The following MPDZ variants were observed in gnomAD, a reference collection of about 807,000 sequenced individuals.
The protein encoded by MPDZ is multiple PDZ domain protein.
Under a neutral mutation model 239.1 loss-of-function variants are expected in MPDZ, and 234 were observed. That is an observed-to-expected ratio of 0.98 (90% CI 0.88 to 1.09). The LOEUF (loss-of-function observed/expected upper bound fraction) is 1.09. Among genes scored for constraint, MPDZ ranks in the 50% least tolerant of loss-of-function variants. The probability of loss-of-function intolerance (pLI) is 0.00; values close to 1 mark genes in which losing one functional copy is unlikely to be tolerated. For synonymous variants in MPDZ, 1,048 were observed against 881.3 expected (o/e 1.19, Z -3.35); for missense variants, 3,175 against 2,510.0 (o/e 1.26, Z -5.66).
In MPDZ at chr9:13,216,879, T is replaced by C; in HGVS notation, c.1202-17A>G. 1 of 1,583,770 alleles carries C rather than the reference T, an allele frequency of 6.3e-7. No homozygotes were observed. Among genetic ancestry groups the C allele is most frequent in the Non-Finnish European group, 8.6e-7 (1 of 1,158,006 alleles). On this transcript the variant is annotated splice_polypyrimidine_tract_variant and intron_variant, in intron 9 of 46. Transcript: ENST00000319217. ...CTGAAGGTTCTAAGATTAGAAATAG[T>C]TTATTTTTCACAATTTTCAAAGCAC... is the stretch of plus-strand genomic sequence containing the variant.
intron 12 of MPDZ, among the ~76,000 whole-genome samples, chr9:13,199,663 G>A (rs1179916757): frequency 6.6e-6 from 1 of 152,080 alleles, no homozygotes; most frequent in African/African-American, 2.4e-5. Flanking sequence ...ATTATTCTGA[G>A]GCATGTTCTT....
intron 1 of MPDZ, among the ~76,000 whole-genome samples, chr9:13,253,625 CA>C (rs1968675836): frequency 6.6e-6 from 1 of 152,122 alleles, no homozygotes; most frequent in Non-Finnish European, 1.5e-5. Flanking sequence ...TGAGTGATAA[CA>C]GTGGGTCATG....
At chr9:13,131,444 G>C (rs1008815402) in intron 32 of MPDZ, among the ~76,000 whole-genome samples, 2 of 152,176 alleles carry the variant, frequency 1.3e-5, no homozygotes, top group African/African-American at 4.8e-5. Context: ...CAGGAGGAAA[G>C]TGAGACCCAG....
chr9:13,274,071 C>T (rs1171870024), intron 1 of MPDZ, among the ~76,000 whole-genome samples: 1 of 152,206 alleles, frequency 6.6e-6, no homozygotes, highest in East Asian at 1.9e-4. Flanking sequence ...AAATATGTGT[C>T]TTGGGGATTT....
rs1227233052 is a variant in MPDZ at position 13,106,551 on chromosome 9, C to T, written c.*414G>A. The stretch of plus-strand genomic sequence containing the variant: ...GCCAAATTGAGGCATTTTTTTTAAA[C>T]TCCCCGAGATTTTCTTCTTTATTTT... On this transcript the variant is annotated 3_prime_UTR_variant, in exon 47 of 47. Transcript: ENST00000319217. 6.5e-6 allele frequency: 1 copy of T among 152,746 alleles called. No individual in the cohort carries two copies. Among genetic ancestry groups the T allele is most frequent in the African/African-American group, 2.4e-5 (1 of 41,346 alleles). The allele number at this position is 152,746 out of a possible 1,614,324, so 9.5% of individuals were successfully genotyped here. A position where few individuals can be genotyped will look rare whatever the true frequency, so the allele number is the denominator to read the frequency against.
At chr9:13,108,842 G>T in intron 46 of MPDZ, 94 bp downstream of exon 46, 7 of 1,263,572 alleles carry the variant, frequency 5.5e-6, no homozygotes, top group Non-Finnish European at 7.5e-6. Context: ...TAACCATTTG[G>T]CATTACCTCA....
intron 23 of MPDZ, among the ~76,000 whole-genome samples, chr9:13,160,837 T>TAC (rs1950379967): frequency 3.4e-5 from 3 of 87,790 alleles, no homozygotes; most frequent in African/African-American, 1.4e-4. Context: ...AAATTATATA[T>TAC]ATATATATAT....
At chr9:13,179,907 C>A (rs559409083) in intron 19 of MPDZ, among the ~76,000 whole-genome samples, 1 of 152,232 alleles carries the variant, frequency 6.6e-6, no homozygotes, top group East Asian at 1.9e-4. Context: ...AATAAGCAGT[C>A]TACCAGAGGA....
intron 10 of MPDZ, among the ~76,000 whole-genome samples, chr9:13,212,360 T>C (rs1407564984): frequency 6.6e-6 from 1 of 152,042 alleles, no homozygotes; most frequent in Non-Finnish European, 1.5e-5. Context: ...GGAAATAAGA[T>C]CTATTTTCCA....
At chr9:13,168,192 A>G (rs1188162657) in intron 22 of MPDZ, among the ~76,000 whole-genome samples, 174 bp downstream of exon 22, 1 of 152,168 alleles carries the variant, frequency 6.6e-6, no homozygotes, top group African/African-American at 2.4e-5. Flanking sequence ...AGTCTCAAAG[A>G]AACTAAACTT....
chr9:13,229,606 C>CA (rs1564084921), intron 3 of MPDZ, among the ~76,000 whole-genome samples: 251 of 146,238 alleles, frequency 1.7e-3, no homozygotes, highest in African/African-American at 5.8e-3. Context: ...ACACACACAC[C>CA]CCCATCCACC....
chr9:13,193,721 G>A (rs528797115), intron 13 of MPDZ, among the ~76,000 whole-genome samples: 3 of 152,102 alleles, frequency 2.0e-5, no homozygotes, highest in East Asian at 1.9e-4. Context: ...CAGAGACAAC[G>A]GTCTTTAAAA....
At chr9:13,269,430 G>T (rs1305400133) in intron 1 of MPDZ, among the ~76,000 whole-genome samples, 1 of 152,074 alleles carries the variant, frequency 6.6e-6, no homozygotes, top group African/African-American at 2.4e-5. Flanking sequence ...AGAAGTAATG[G>T]CTGTGAGATA....
chr9:13,247,932 T>C (rs1966852099), intron 2 of MPDZ, 131 bp from the exon 3 acceptor site: 1 of 904,292 alleles, frequency 1.1e-6, no homozygotes, highest in African/African-American at 1.6e-5. Flanking sequence ...TTAAATTGAA[T>C]AAAAAAACAG....
chr9:13,258,008 G>A (rs1158341257), intron 1 of MPDZ, among the ~76,000 whole-genome samples: 5 of 152,112 alleles, frequency 3.3e-5, no homozygotes, highest in Non-Finnish European at 7.4e-5. Context: ...TGAGACAGCT[G>A]CCTAATCCTT....
chr9:13,263,498 G>A lies in MPDZ; in HGVS notation c.-57-13126C>T, dbSNP rs116520258. The stretch of plus-strand genomic sequence containing the variant: ...TTCTCCCAGAACAATAATTTATTCA[G>A]CTAGACTACCTAATTCCAGCAAAAC... On this transcript the variant is annotated intron_variant, in intron 1 of 46. Coordinates refer to ENST00000319217, the MANE Select transcript of MPDZ (RefSeq NM_001378778.1). Among the ~76,000 whole-genome samples, 763 of 151,602 alleles carry A rather than the reference G, an allele frequency of 5.0e-3. 11 individuals carry two copies. The highest frequency in any genetic ancestry group is 0.017 in the African/African-American group (707 of 41,300).
At chr9:13,275,852 T>C (rs1974064847) in intron 1 of MPDZ, among the ~76,000 whole-genome samples, 1 of 152,162 alleles carries the variant, frequency 6.6e-6, no homozygotes, top group African/African-American at 2.4e-5. Flanking sequence ...CAGTACCCAC[T>C]GCCCACTCAC....
chr9:13,116,866 G>A lies in MPDZ; in HGVS notation c.5380-1532C>T, dbSNP rs573761732. On this transcript the variant is annotated intron_variant, in intron 39 of 46. Coordinates refer to ENST00000319217, the MANE Select transcript of MPDZ (RefSeq NM_001378778.1). ...TAATTATTGTTTAAAAAACTTATAA[G>A]ATTGTATTTTACATAGTTGCATCTA... Among the ~76,000 whole-genome samples the A allele has an allele frequency of 2.0e-5, 3 of 152,138 alleles. No individual in the cohort carries two copies. In the East Asian group the frequency reaches 5.8e-4, roughly 29 times the overall value.
At position 13,224,418 on chromosome 9, in the gene MPDZ, G is replaced by T. The variant is rs180982068; in HGVS notation, c.349C>A (p.Pro117Thr). 227 of 1,612,688 alleles carry T rather than the reference G, an allele frequency of 1.4e-4. 1 individual carries two copies. In the African/African-American group the frequency reaches 2.8e-3, roughly 20 times the overall value. Residue 117 changes from proline to threonine, a missense_variant, in exon 4 of 47, where the codon CCT becomes ACT. Transcript: ENST00000319217. Reference sequence around the variant, plus strand: ...AGCTGATCAAATTCATCACAAGCAGGTTTCCCATTAATGTGTGGAATACCA... The same window carrying T: ...AGCTGATCAAATTCATCACAAGCAGTTTTCCCATTAATGTGTGGAATACCA... ...GPGIPHINGK[P>T]ACDEFDQLIK...
Sources: allele counts gnomAD v4.1 joint callset (sites outside exome capture counted in the v4.1 genomes callset), GRCh38; gene constraint gnomAD v4.1.1; transcripts MANE v1.5; gene names NCBI Gene and HGNC (gene_info 2026-07-23, HGNC 2026-07-21).